Variants in NKAIN2 observed in about 807,000 individuals in gnomAD.
The protein encoded by NKAIN2 is sodium/potassium transporting ATPase interacting 2.
In NKAIN2, 14 loss-of-function variants were observed where a neutral mutation model predicts 32.6. That is an observed-to-expected ratio of 0.43 (90% CI 0.28 to 0.67). NKAIN2 has a LOEUF of 0.67. NKAIN2 is among the 30% of genes least tolerant of loss of function. The pLI, the probability that NKAIN2 is intolerant of heterozygous loss-of-function variation, is 0.17. For missense variants in NKAIN2, 198 were observed against 258.3 expected, an observed-to-expected ratio of 0.77 and a Z score of 1.60; for synonymous variants, 80 against 87.2, an observed-to-expected ratio of 0.92 and a Z score of 0.46.
intron 4 of NKAIN2, among the ~76,000 whole-genome samples, chr6:124,697,473 A>G (rs138765291): frequency 1.5e-3 from 223 of 152,270 alleles, no homozygotes; most frequent in African/African-American, 5.1e-3. Flanking sequence ...TTATTTTTTC[A>G]TATCGCAGTT....
At chr6:124,532,337 G>A (rs1315958218) in intron 3 of NKAIN2, among the ~76,000 whole-genome samples, 2 of 151,964 alleles carry the variant, frequency 1.3e-5, no homozygotes, top group African/African-American at 4.8e-5. Flanking sequence ...TGCAAGGGGA[G>A]GCTTCTTTTC....
chr6:124,074,539 C>G (rs975579767), intron 1 of NKAIN2, among the ~76,000 whole-genome samples: 1 of 152,166 alleles, frequency 6.6e-6, no homozygotes, highest in Non-Finnish European at 1.5e-5. Context: ...TCCTCCCAGG[C>G]AGGGCCTTGG....
chr6:124,630,756 G>GACTC (rs1783533663), intron 3 of NKAIN2, among the ~76,000 whole-genome samples: 1 of 151,964 alleles, frequency 6.6e-6, no homozygotes, highest in Non-Finnish European at 1.5e-5. Flanking sequence ...GATTAACATG[G>GACTC]ACTCAACTGG....
intron 1 of NKAIN2, among the ~76,000 whole-genome samples, chr6:123,920,751 G>A (rs1775714243): frequency 2.0e-5 from 3 of 152,002 alleles, no homozygotes; most frequent in Admixed American, 2.0e-4. Context: ...TGACTTCATT[G>A]GCCCTCTGCA....
At chr6:124,820,327 C>T (rs921378963) in intron 6 of NKAIN2, among the ~76,000 whole-genome samples, 1 of 152,196 alleles carries the variant, frequency 6.6e-6, no homozygotes, top group Non-Finnish European at 1.5e-5. Context: ...GGGCATGTAA[C>T]TTTGTTTGAA....
At chr6:124,685,021 GGTTA>G (rs1376060646) in intron 4 of NKAIN2, among the ~76,000 whole-genome samples, 1 of 152,090 alleles carries the variant, frequency 6.6e-6, no homozygotes, top group Admixed American at 6.6e-5. Flanking sequence ...TCCTGGGTAA[GGTTA>G]GTTACTTTAT....
chr6:123,879,260 G>A (rs772520951), intron 1 of NKAIN2, among the ~76,000 whole-genome samples: 1 of 152,140 alleles, frequency 6.6e-6, no homozygotes, highest in Non-Finnish European at 1.5e-5. Flanking sequence ...TTGTGAATAT[G>A]CTTCATGTCT....
chr6:124,709,244 T>G (rs1021939284), intron 4 of NKAIN2, among the ~76,000 whole-genome samples: 1 of 149,440 alleles, frequency 6.7e-6, no homozygotes, highest in Non-Finnish European at 1.5e-5. Context: ...GTTTTGCCAG[T>G]ATTTTATTGA....
At chr6:124,672,893 A>G (rs867535688) in intron 4 of NKAIN2, among the ~76,000 whole-genome samples, 1 of 152,188 alleles carries the variant, frequency 6.6e-6, no homozygotes, top group Middle Eastern at 3.4e-3. Context: ...TGTTGTAAAA[A>G]ACACATGACC....
chr6:123,825,720 A>C (rs1774119112), intron 1 of NKAIN2, among the ~76,000 whole-genome samples: 1 of 152,162 alleles, frequency 6.6e-6, no homozygotes, highest in Admixed American at 6.6e-5. Context: ...GGACATGTCA[A>C]AACACCTCAT....
intron 3 of NKAIN2, among the ~76,000 whole-genome samples, chr6:124,411,313 C>G (rs1289323467): frequency 1.3e-5 from 2 of 152,000 alleles, no homozygotes; most frequent in Admixed American, 1.3e-4. Context: ...TTTGCAGTGG[C>G]TGGTACCGGT....
rs1183847223 is a variant in NKAIN2 at position 124,730,235 on chromosome 6, A to G, written c.475-61104A>G. ...TTTAAAGTTCATATGGAACCAAAAA[A>G]GAGCCCGCATCGCCAAGTCAATCCT... is the stretch of plus-strand genomic sequence containing the variant. On this transcript the variant is annotated intron_variant, in intron 4 of 6. Transcript: ENST00000368417. Among the ~76,000 whole-genome samples, 8 of 95,238 alleles carry G rather than the reference A, an allele frequency of 8.4e-5. 1 individual carries two copies. In the East Asian group the frequency reaches 3.0e-3, roughly 36 times the overall value. 62.5% of individuals were successfully genotyped at this position (95,238 alleles called of 152,430 possible).
At chr6:124,382,110 C>G (rs1439282601) in intron 3 of NKAIN2, among the ~76,000 whole-genome samples, 1 of 122,034 alleles carries the variant, frequency 8.2e-6, no homozygotes, top group Non-Finnish European at 1.8e-5. Flanking sequence ...TGAGGTAATG[C>G]AATTACCCAT....
intron 5 of NKAIN2, among the ~76,000 whole-genome samples, chr6:124,812,326 C>T (rs1043503234): frequency 6.6e-6 from 1 of 152,158 alleles, no homozygotes; most frequent in Non-Finnish European, 1.5e-5. Flanking sequence ...CTTCTGTGCT[C>T]CAATCAATTG....
At chr6:124,550,684 G>A (rs1780255314) in intron 3 of NKAIN2, among the ~76,000 whole-genome samples, 1 of 152,164 alleles carries the variant, frequency 6.6e-6, no homozygotes, top group South Asian at 2.1e-4. Context: ...GAATAGTGAT[G>A]CTTTTAGGAA....
At chr6:124,768,014 A>AAATTACATTAAATTTATAATTT (rs1562372418) in intron 4 of NKAIN2, among the ~76,000 whole-genome samples, 1 of 152,234 alleles carries the variant, frequency 6.6e-6, no homozygotes, top group Non-Finnish European at 1.5e-5. Context: ...AAGTTATGTT[A>AAATTACATTAAATTTATAATTT]AATTACATTA....
At chr6:124,744,684 G>A (rs1260179122) in intron 4 of NKAIN2, among the ~76,000 whole-genome samples, 4 of 151,634 alleles carry the variant, frequency 2.6e-5, no homozygotes, top group Non-Finnish European at 4.4e-5. Flanking sequence ...CGTATTTGGG[G>A]TCGTACATGG....
At chr6:124,658,779 T>C in intron 4 of NKAIN2, 5 of 297,972 alleles carry the variant, frequency 1.7e-5, no homozygotes, top group Non-Finnish European at 2.5e-5. Context: ...CTTTTGGCTG[T>C]GCTGCTAGCC....
In NKAIN2 at chr6:123,824,620, A is replaced by AG. The variant is rs1483431339; in HGVS notation, c.54+20369dup. 2.7e-4 allele frequency among the ~76,000 whole-genome samples: 41 copies of AG among 152,030 alleles called. No homozygotes were observed. The East Asian group carries it at 7.6e-3, about 28-fold the overall frequency. On this transcript the variant is annotated intron_variant, in intron 1 of 6. Coordinates refer to ENST00000368417, the MANE Select transcript of NKAIN2 (RefSeq NM_001040214.3). The stretch of plus-strand genomic sequence containing the variant: ...ATTAGGACAAATACCTAATGCATGC[A>AG]GGGCTTAAAACCTAGATGATGGGTT...
Sources: gnomAD v4.1 joint callset for allele counts (sites outside exome capture counted in the v4.1 genomes callset) on GRCh38, gnomAD v4.1.1 for gene constraint, MANE v1.5 for transcripts, NCBI Gene and HGNC (gene_info 2026-07-23, HGNC 2026-07-21) for gene names.